LRRC4C: variants seen among roughly 807,000 people sequenced by gnomAD.
The protein encoded by LRRC4C is leucine-rich repeat-containing protein 4C.
Under a neutral mutation model 33.6 loss-of-function variants are expected in LRRC4C, and 5 were observed. That is an observed-to-expected ratio of 0.15 (90% CI 0.08 to 0.31). LRRC4C has a LOEUF of 0.31. Ranked by LOEUF, LRRC4C falls within the 10% of genes least tolerant of loss-of-function variation. LRRC4C has a pLI of 1.00. For synonymous variants in LRRC4C, 329 were observed against 302.0 expected (o/e 1.09, Z -0.93); for missense variants, 560 against 796.7 (o/e 0.70, Z 3.58).
chr11:40,778,779 A>T (rs538432465), intron 2 of LRRC4C, among the ~76,000 whole-genome samples: 1 of 152,340 alleles, frequency 6.6e-6, no homozygotes, highest in African/African-American at 2.4e-5. Context: ...AGAGCAAGTG[A>T]AAGACCTGTG....
At chr11:41,164,268 G>C (rs542582716) in intron 1 of LRRC4C, among the ~76,000 whole-genome samples, 33 of 149,482 alleles carry the variant, frequency 2.2e-4, no homozygotes, top group African/African-American at 7.6e-4. Flanking sequence ...TTGACAGAGG[G>C]TCAGGGTCAT....
Position 40,423,550 on chromosome 11 carries a change from T to G in LRRC4C, c.-269-103829A>C, listed in dbSNP as rs1472951493. On this transcript the variant is annotated intron_variant, in intron 3 of 6. Transcript: ENST00000528697. ...TAGTAGAGACGGGGTTTCACCGTGTTAGCCAGGATGGTCTCGATCTCCTGA... is the reference window on the plus strand; with the variant it reads ...TAGTAGAGACGGGGTTTCACCGTGTGAGCCAGGATGGTCTCGATCTCCTGA... 1.1e-4 allele frequency among the ~76,000 whole-genome samples: 17 copies of G among 151,890 alleles called. 1 individual carries two copies. Among genetic ancestry groups the G allele is most frequent in the Admixed American group, 5.9e-4 (9 of 15,262 alleles).
At chr11:41,333,556 T>C (rs1385618764) in intron 1 of LRRC4C, among the ~76,000 whole-genome samples, 1 of 152,200 alleles carries the variant, frequency 6.6e-6, no homozygotes, top group Non-Finnish European at 1.5e-5. Flanking sequence ...TTCAAGAGTA[T>C]GGAATTATTC....
At chr11:40,420,740 C>T (rs537393466) in intron 3 of LRRC4C, among the ~76,000 whole-genome samples, 1 of 152,256 alleles carries the variant, frequency 6.6e-6, no homozygotes, top group African/African-American at 2.4e-5. Flanking sequence ...CTTGCCAGCT[C>T]ATGAGTGTTG....
At position 41,073,915 on chromosome 11, in the gene LRRC4C, C is replaced by T. The variant is rs559429098; in HGVS notation, c.-495-140192G>A. 3.9e-5 allele frequency among the ~76,000 whole-genome samples: 6 copies of T among 152,250 alleles called. No homozygotes were observed. The South Asian group carries it at 1.0e-3, about 26-fold the overall frequency. The stretch of plus-strand genomic sequence containing the variant: ...AATAAGCAGTCCTTTTTCCAACATA[C>T]ATAATCACAGTAAATGAGATCCATG... On this transcript the variant is annotated intron_variant, in intron 1 of 6. Coordinates refer to ENST00000528697, the MANE Select transcript of LRRC4C (RefSeq NM_001258419.2).
chr11:40,763,935 C>T (rs1029223260), intron 2 of LRRC4C, among the ~76,000 whole-genome samples: 1 of 152,104 alleles, frequency 6.6e-6, no homozygotes, highest in African/African-American at 2.4e-5. Context: ...GGGCTCAGAG[C>T]CAGTGGAATT....
chr11:41,311,878 A>G (rs1950652385), intron 1 of LRRC4C, among the ~76,000 whole-genome samples: 1 of 152,172 alleles, frequency 6.6e-6, no homozygotes, highest in Non-Finnish European at 1.5e-5. Flanking sequence ...TATTGTGACA[A>G]TCAGTGGAAG....
intron 1 of LRRC4C, among the ~76,000 whole-genome samples, chr11:41,203,745 ATATAGACAGTCTTTAGAAT>A (rs1450243447): frequency 6.6e-6 from 1 of 152,196 alleles, no homozygotes; most frequent in East Asian, 1.9e-4. Flanking sequence ...ATGACCTAAT[ATATAGACAGTCTTTAGAAT>A]GGTTTGGAAT....
At chr11:40,295,283 G>A (rs1944453359) in intron 4 of LRRC4C, among the ~76,000 whole-genome samples, 2 of 151,798 alleles carry the variant, frequency 1.3e-5, no homozygotes, top group African/African-American at 2.4e-5. Context: ...CCTTGAGATA[G>A]GAATCAATAA....
At chr11:40,591,215 T>G (rs1010651572) in intron 3 of LRRC4C, among the ~76,000 whole-genome samples, 9 of 152,190 alleles carry the variant, frequency 5.9e-5, no homozygotes, top group African/African-American at 2.2e-4. Context: ...AAAAGCGCAG[T>G]ATTCGGGTGG....
intron 2 of LRRC4C, among the ~76,000 whole-genome samples, chr11:40,882,933 A>C (rs1265101824): frequency 2.0e-5 from 3 of 152,114 alleles, no homozygotes; most frequent in Non-Finnish European, 2.9e-5. Flanking sequence ...TATAGAAATC[A>C]ACTAAAATTT....
At chr11:40,436,769 A>C (rs1048283257) in intron 3 of LRRC4C, among the ~76,000 whole-genome samples, 1 of 152,154 alleles carries the variant, frequency 6.6e-6, no homozygotes, top group African/African-American at 2.4e-5. Context: ...AGAGTGCTAG[A>C]CCCCAGCATG....
intron 3 of LRRC4C, among the ~76,000 whole-genome samples, chr11:40,501,700 A>AT (rs1954781563): frequency 6.6e-6 from 1 of 151,738 alleles, no homozygotes. Flanking sequence ...CCACAAGACC[A>AT]TTTTTTCCTC....
intron 3 of LRRC4C, among the ~76,000 whole-genome samples, chr11:40,534,216 G>A (rs1237214914): frequency 6.6e-6 from 1 of 151,804 alleles, no homozygotes; most frequent in African/African-American, 2.4e-5. Context: ...CATACGTGAT[G>A]TGTCCAATTA....
chr11:40,556,890 A>G (rs1957354082), intron 3 of LRRC4C, among the ~76,000 whole-genome samples: 1 of 152,204 alleles, frequency 6.6e-6, no homozygotes, highest in Non-Finnish European at 1.5e-5. Flanking sequence ...TTGGAGCTTC[A>G]GAGTCAAATA....
chr11:40,948,424 A>T (rs1462007442), intron 1 of LRRC4C, among the ~76,000 whole-genome samples: 2 of 151,600 alleles, frequency 1.3e-5, no homozygotes, highest in Non-Finnish European at 1.5e-5. Flanking sequence ...TGTGCAGGTT[A>T]GTTACATATG....
intron 3 of LRRC4C, among the ~76,000 whole-genome samples, chr11:40,450,878 CAT>C (rs745788056): frequency 6.6e-6 from 1 of 150,662 alleles, no homozygotes; most frequent in Non-Finnish European, 1.5e-5. Context: ...AATTCGCAAA[CAT>C]GTGGAAGTTA....
intron 1 of LRRC4C, among the ~76,000 whole-genome samples, chr11:40,942,406 G>C (rs971651782): frequency 1.3e-5 from 2 of 152,190 alleles, no homozygotes; most frequent in African/African-American, 4.8e-5. Context: ...TTTAGAAAGT[G>C]CTGCAGTTTT....
chr11:40,237,930 G>A (rs999480094), intron 5 of LRRC4C, among the ~76,000 whole-genome samples: 11 of 152,122 alleles, frequency 7.2e-5, no homozygotes, highest in Admixed American at 7.2e-4. Flanking sequence ...AACAGCCACC[G>A]CTGAAAAGAG....
Sources: allele counts gnomAD v4.1 joint callset (sites outside exome capture counted in the v4.1 genomes callset), GRCh38; gene constraint gnomAD v4.1.1; transcripts MANE v1.5; gene names NCBI Gene and HGNC (gene_info 2026-07-23, HGNC 2026-07-21).